The following LRRC1 variants were observed in gnomAD, a reference collection of about 807,000 sequenced individuals.
The protein encoded by LRRC1 is leucine-rich repeat-containing protein 1.
Under a neutral mutation model 69.9 loss-of-function variants are expected in LRRC1, and 28 were observed. The ratio of observed to expected loss-of-function variants is 0.40; its 90% CI spans 0.30 to 0.55. LRRC1 has a LOEUF of 0.55. Ranked by LOEUF, LRRC1 falls within the 20% of genes least tolerant of loss-of-function variation. The probability of loss-of-function intolerance (pLI) is 0.47; values close to 1 mark genes in which losing one functional copy is unlikely to be tolerated. For synonymous variants in LRRC1, 236 were observed against 240.2 expected (o/e 0.98, Z 0.16); for missense variants, 498 against 609.0 (o/e 0.82, Z 1.92).
At chr6:53,873,745 C>T (rs1325380338) in intron 2 of LRRC1, among the ~76,000 whole-genome samples, 1 of 152,152 alleles carries the variant, frequency 6.6e-6, no homozygotes, top group Non-Finnish European at 1.5e-5. Flanking sequence ...AATTTAGCTT[C>T]TGCTTTTCCA....
intron 4 of LRRC1, chr6:53,883,984 G>A (rs1318084163): frequency 1.4e-6 from 1 of 717,876 alleles, no homozygotes; most frequent in Non-Finnish European, 2.6e-6. Flanking sequence ...TGTTCAGCCA[G>A]CAAGTTGGTG....
At chr6:53,809,103 T>G (rs987254151) in intron 1 of LRRC1, among the ~76,000 whole-genome samples, 4 of 152,324 alleles carry the variant, frequency 2.6e-5, no homozygotes, top group African/African-American at 9.6e-5. Flanking sequence ...ATTTGTTTTC[T>G]CATAGCAGCA....
At position 53,920,743 on chromosome 6, in the gene LRRC1, TGAA is replaced by T. The variant is rs1180582314; in HGVS notation, c.1404_1406del (p.Glu468del). The stretch of plus-strand genomic sequence containing the variant: ...TCCGATTTGTGGAGGATGAGAAAGA[TGAA>T]GAAGACAATGAGACGGTATGGAAAT... On this transcript the variant is annotated inframe_deletion, in exon 13 of 14. Coordinates refer to ENST00000370888, the MANE Select transcript of LRRC1 (RefSeq NM_018214.5). 1.9e-6 allele frequency: 3 copies of T among 1,614,074 alleles called. No individual in the cohort carries two copies. The highest frequency in any genetic ancestry group is 1.7e-5 in the Admixed American group (1 of 60,004).
intron 2 of LRRC1, among the ~76,000 whole-genome samples, chr6:53,863,310 G>A (rs1253976347): frequency 6.6e-6 from 1 of 152,098 alleles, no homozygotes; most frequent in East Asian, 1.9e-4. Flanking sequence ...TGCCCAGAAG[G>A]GTTTCCTATT....
At chr6:53,902,178 C>T (rs1768080106) in intron 8 of LRRC1, among the ~76,000 whole-genome samples, 1 of 152,174 alleles carries the variant, frequency 6.6e-6, no homozygotes, top group African/African-American at 2.4e-5. Flanking sequence ...GAGGTTACCG[C>T]TTTATTCTGC....
chr6:53,828,337 A>C (rs1468563261), intron 1 of LRRC1, among the ~76,000 whole-genome samples: 1 of 152,222 alleles, frequency 6.6e-6, no homozygotes, highest in Non-Finnish European at 1.5e-5. Context: ...TCACAGGGCT[A>C]GGACCTGGGA....
chr6:53,884,603 G>A (rs985501494), intron 4 of LRRC1, among the ~76,000 whole-genome samples: 2 of 152,096 alleles, frequency 1.3e-5, no homozygotes, highest in African/African-American at 4.8e-5. Flanking sequence ...GATGTCTGGA[G>A]TTTAATTCCC....
At chr6:53,800,422 T>A (rs1764445956) in intron 1 of LRRC1, among the ~76,000 whole-genome samples, 1 of 151,308 alleles carries the variant, frequency 6.6e-6, no homozygotes, top group Non-Finnish European at 1.5e-5. Context: ...CAGCTAATTT[T>A]TGTGTTTTTA....
intron 2 of LRRC1, among the ~76,000 whole-genome samples, chr6:53,866,198 C>T (rs781336162): frequency 1.3e-5 from 2 of 152,120 alleles, no homozygotes; most frequent in Non-Finnish European, 2.9e-5. Flanking sequence ...CTTCCTCTCC[C>T]TTCTTATAAT....
At chr6:53,800,600 AT>A (rs1177000864) in intron 1 of LRRC1, among the ~76,000 whole-genome samples, 1 of 151,258 alleles carries the variant, frequency 6.6e-6, no homozygotes, top group Admixed American at 6.6e-5. Context: ...CCTGGGAGTT[AT>A]TTTTTAAAGC....
At chr6:53,800,837 A>C (rs1020921201) in intron 1 of LRRC1, among the ~76,000 whole-genome samples, 1 of 151,836 alleles carries the variant, frequency 6.6e-6, no homozygotes, top group African/African-American at 2.4e-5. Flanking sequence ...ACGGGGTTTC[A>C]CTATGTTGGC....
chr6:53,884,077 G>A (rs888075486), intron 4 of LRRC1: 59 of 708,670 alleles, frequency 8.3e-5, no homozygotes, highest in Admixed American at 5.3e-4. Flanking sequence ...CTCTCAGGAG[G>A]AGAAGAAGAC....
At chr6:53,909,193 A>G (rs1009136186) in intron 10 of LRRC1, among the ~76,000 whole-genome samples, 1 of 152,252 alleles carries the variant, frequency 6.6e-6, no homozygotes, top group Non-Finnish European at 1.5e-5. Flanking sequence ...GGGCTTTTGC[A>G]CTTATTCTTA....
intron 1 of LRRC1, among the ~76,000 whole-genome samples, chr6:53,806,644 T>C (rs547937090): frequency 1.8e-4 from 28 of 152,266 alleles, no homozygotes; most frequent in African/African-American, 6.0e-4. Flanking sequence ...GAGTGAACCT[T>C]TGATGAGTGG....
At chr6:53,848,556 A>T (rs1040728531) in intron 2 of LRRC1, among the ~76,000 whole-genome samples, 18 of 152,286 alleles carry the variant, frequency 1.2e-4, no homozygotes, top group African/African-American at 4.3e-4. Flanking sequence ...GCCATTCCAT[A>T]GTCCTTTTCT....
intron 2 of LRRC1, among the ~76,000 whole-genome samples, chr6:53,876,330 G>C (rs920980854): frequency 9.9e-5 from 15 of 151,596 alleles, no homozygotes; most frequent in African/African-American, 3.6e-4. Context: ...CAACACATGG[G>C]AATTCAAGAT....
intron 1 of LRRC1, among the ~76,000 whole-genome samples, chr6:53,822,677 T>G (rs1055548174): frequency 6.6e-6 from 1 of 152,206 alleles, no homozygotes; most frequent in African/African-American, 2.4e-5. Flanking sequence ...ACCTCATCTG[T>G]CACTGGCAAA....
At chr6:53,875,646 C>G (rs1408550830) in intron 2 of LRRC1, among the ~76,000 whole-genome samples, 1 of 152,004 alleles carries the variant, frequency 6.6e-6, no homozygotes, top group Non-Finnish European at 1.5e-5. Context: ...CTGATACCAC[C>G]ACATGAAAAT....
At chr6:53,804,316 G>A (rs7769893) in intron 1 of LRRC1, among the ~76,000 whole-genome samples, 129,223 of 152,174 alleles carry the variant, frequency 0.85, 54,952 homozygotes, top group East Asian at 0.96. Flanking sequence ...TGATACATGT[G>A]TACATTGTGG....
Sources: allele counts gnomAD v4.1 joint callset (sites outside exome capture counted in the v4.1 genomes callset), GRCh38; gene constraint gnomAD v4.1.1; transcripts MANE v1.5; gene names NCBI Gene and HGNC (gene_info 2026-07-23, HGNC 2026-07-21).